ESF1: variants seen among roughly 807,000 people sequenced by gnomAD.
ESF1 encodes ESF1 nucleolar pre-rRNA processing protein.
A neutral mutation model predicts 92.0 loss-of-function variants in ESF1; 58 were observed. That is an observed-to-expected ratio of 0.63 (90% CI 0.51 to 0.78). ESF1 has a LOEUF of 0.78. ESF1 is among the 30% of genes least tolerant of loss of function. The pLI, the probability that ESF1 is intolerant of heterozygous loss-of-function variation, is 0.00. For synonymous variants in ESF1, 321 were observed against 313.7 expected, an observed-to-expected ratio of 1.02 and a Z score of -0.24; for missense variants, 922 against 989.1, an observed-to-expected ratio of 0.93 and a Z score of 0.91.
intron 11 of ESF1, among the ~76,000 whole-genome samples, chr20:13,722,620 G>A (rs989885300): frequency 6.6e-6 from 1 of 152,078 alleles, no homozygotes; most frequent in Non-Finnish European, 1.5e-5. Context: ...AAGGCTGAAG[G>A]AGGAAGATTG....
At chr20:13,729,421 A>G (rs1017101315) in intron 10 of ESF1, among the ~76,000 whole-genome samples, 2 of 152,230 alleles carry the variant, frequency 1.3e-5, no homozygotes, top group Admixed American at 6.5e-5. Context: ...AGACAAATAC[A>G]TAAATAAAAA....
intron 9 of ESF1, 79 bp from the exon 10 acceptor site, chr20:13,733,921 A>C: frequency 6.9e-7 from 1 of 1,445,382 alleles, no homozygotes; most frequent in Non-Finnish European, 9.2e-7. Context: ...TATAAAGACA[A>C]ATATAATTTA....
At chr20:13,753,003 G>C (rs2147754534) in intron 9 of ESF1, among the ~76,000 whole-genome samples, 1 of 152,200 alleles carries the variant, frequency 6.6e-6, no homozygotes, top group Non-Finnish European at 1.5e-5. Flanking sequence ...TCCTTCCCAA[G>C]AGTAAGTATT....
chr20:13,732,408 C>A (rs1045621709), intron 10 of ESF1, among the ~76,000 whole-genome samples: 1 of 152,174 alleles, frequency 6.6e-6, no homozygotes, highest in Admixed American at 6.5e-5. Context: ...ACACTGACTA[C>A]AATAGAAGTA....
intron 13 of ESF1, among the ~76,000 whole-genome samples, chr20:13,716,573 G>A (rs1345716565): frequency 2.0e-5 from 3 of 151,770 alleles, no homozygotes; most frequent in Non-Finnish European, 4.4e-5. Context: ...TGAACTGGCT[G>A]TGCTGGATTA....
Position 13,776,229 on chromosome 20 carries a change from T to C in ESF1, c.679A>G (p.Asn227Asp), listed in dbSNP as rs914515922. 2 of 1,613,512 alleles carry C rather than the reference T, an allele frequency of 1.2e-6. No homozygotes were observed. Among genetic ancestry groups the C allele is most frequent in the Middle Eastern group, 1.6e-4 (1 of 6,082 alleles). Residue 227 changes from asparagine (N) to aspartate (D), a missense_variant, in exon 3 of 14, where the codon AAC (asparagine) becomes GAC (aspartate). Coordinates refer to ENST00000617257, the MANE Select transcript of ESF1 (RefSeq NM_001276380.2). ...TCACACATTTCACCATCTGTTGAGT[T>C]TTCATAACCATCACTGTCTCTTGTC... ...IMTRDSDGYENSTDGEMCDKD... is the reference protein window; with the variant it reads ...IMTRDSDGYEDSTDGEMCDKD...
intron 1 of ESF1, among the ~76,000 whole-genome samples, chr20:13,783,988 A>G (rs767813581): frequency 2.4e-4 from 36 of 152,262 alleles, no homozygotes; most frequent in Non-Finnish European, 2.9e-4. Context: ...GGTTTAGCTA[A>G]GAAAGTTTCC....
At chr20:13,724,626 A>T (rs1046566042) in intron 11 of ESF1, among the ~76,000 whole-genome samples, 4 of 152,244 alleles carry the variant, frequency 2.6e-5, no homozygotes, top group African/African-American at 9.6e-5. Context: ...AAAACTTCTC[A>T]TTAAATCCAT....
rs774432172 is a variant in ESF1, at chr20:13,776,197, A to G, written c.711T>C (p.Asp237=). The change falls in exon 3 of 14, where the codon GAT becomes GAC. Residue 237 remains aspartate, a synonymous_variant. Coordinates refer to ENST00000617257, the MANE Select transcript of ESF1 (RefSeq NM_001276380.2). ...CGCTTTCTGAATCTTCCTCCAGAGC[A>G]TCTTTGTCACACATTTCACCATCTG... is the stretch of plus-strand genomic sequence containing the variant. ...NSTDGEMCDK[D]ALEEDSESVS... The G allele has an allele frequency of 6.8e-6, 11 of 1,613,760 alleles. No individual in the cohort carries two copies. In the Admixed American group the frequency reaches 1.7e-4, roughly 24 times the overall value.
At chr20:13,762,618 A>C (rs1260989394) in intron 8 of ESF1, among the ~76,000 whole-genome samples, 1 of 152,160 alleles carries the variant, frequency 6.6e-6, no homozygotes, top group East Asian at 1.9e-4. Context: ...GAAACCCTTA[A>C]TACTATATAA....
chr20:13,747,946 G>A (rs954921411), intron 9 of ESF1, among the ~76,000 whole-genome samples: 1 of 152,114 alleles, frequency 6.6e-6, no homozygotes, highest in African/African-American at 2.4e-5. Context: ...TTACTATACT[G>A]AATGCTGTAG....
intron 11 of ESF1, among the ~76,000 whole-genome samples, chr20:13,726,399 T>A (rs1457331241): frequency 6.6e-6 from 1 of 152,128 alleles, no homozygotes; most frequent in Non-Finnish European, 1.5e-5. Context: ...ACACAGTGCA[T>A]TCTCACCTTG....
At chr20:13,747,175 G>C (rs532066638) in intron 9 of ESF1, among the ~76,000 whole-genome samples, 7 of 151,672 alleles carry the variant, frequency 4.6e-5, no homozygotes, top group Admixed American at 1.3e-4. Context: ...TTCAACTTTT[G>C]TATTTGTAAT....
chr20:13,720,394 C>T (rs2049860053), intron 11 of ESF1, among the ~76,000 whole-genome samples: 1 of 152,084 alleles, frequency 6.6e-6, no homozygotes, highest in Admixed American at 6.6e-5. Flanking sequence ...AAATCCTATG[C>T]CCCTAGATGT....
chr20:13,771,459 A>G lies in ESF1; in HGVS notation c.1275T>C (p.Asp425=). ...AGTACTTCAGTCGTTTGAATTGATAATCTCTCAATTTTTCTCTAGACGTCC... is the reference window on the plus strand; with the variant it reads ...AGTACTTCAGTCGTTTGAATTGATAGTCTCTCAATTTTTCTCTAGACGTCC... ...KDWTSREKLR[D]YQFKRLKYYY... is the part of the protein sequence containing the mutation. Residue 425 remains aspartate, a synonymous_variant, in exon 6 of 14, where the codon GAT becomes GAC. Coordinates refer to ENST00000617257, the MANE Select transcript of ESF1 (RefSeq NM_001276380.2). 6.2e-7 allele frequency: 1 copy of G among 1,612,944 alleles called. No individual in the cohort carries two copies. The highest frequency in any genetic ancestry group is 1.1e-5 in the South Asian group (1 of 90,904).
chr20:13,755,679 A>G (rs1173124040), intron 9 of ESF1, among the ~76,000 whole-genome samples: 1 of 152,200 alleles, frequency 6.6e-6, no homozygotes, highest in Non-Finnish European at 1.5e-5. Flanking sequence ...TATAATCCTA[A>G]TTAATAAAAT....
At chr20:13,747,913 A>C (rs7265510) in intron 9 of ESF1, among the ~76,000 whole-genome samples, 11,074 of 152,304 alleles carry the variant, frequency 0.073, 442 homozygotes, top group Non-Finnish European at 0.087. Context: ...TATTGCTCCT[A>C]GGCTACAAAC....
At chr20:13,719,339 A>G (rs1041789651) in intron 11 of ESF1, among the ~76,000 whole-genome samples, 2 of 152,166 alleles carry the variant, frequency 1.3e-5, no homozygotes, top group Non-Finnish European at 2.9e-5. Context: ...TTCATAATAA[A>G]AGTAGTATAC....
intron 8 of ESF1, chr20:13,762,867 T>TG (rs1568724127): frequency 2.9e-6 from 1 of 343,318 alleles, no homozygotes; most frequent in Non-Finnish European, 5.5e-6. Flanking sequence ...TTTTTTTTTT[T>TG]TTTTTTTTTT....
Sources: allele counts gnomAD v4.1 joint callset (sites outside exome capture counted in the v4.1 genomes callset), GRCh38; gene constraint gnomAD v4.1.1; transcripts MANE v1.5; gene names NCBI Gene and HGNC (gene_info 2026-07-23, HGNC 2026-07-21).